ASAP1: variants seen among roughly 807,000 people sequenced by gnomAD.
ASAP1 encodes the protein arf-GAP with SH3 domain, ANK repeat and PH domain-containing protein 1.
In ASAP1, 43 loss-of-function variants were observed where a neutral mutation model predicts 145.2. The ratio of observed to expected loss-of-function variants is 0.30; its 90% CI spans 0.23 to 0.38. The LOEUF is 0.38. Among genes scored for constraint, ASAP1 ranks in the 10% least tolerant of loss-of-function variants. The pLI, the probability that ASAP1 is intolerant of heterozygous loss-of-function variation, is 1.00. For synonymous variants in ASAP1, 546 were observed against 515.5 expected (o/e 1.06, Z -0.80); for missense variants, 1,018 against 1,355.3 (o/e 0.75, Z 3.91).
chr8:130,186,521 A>G (rs1471535363), intron 7 of ASAP1, among the ~76,000 whole-genome samples: 1 of 152,068 alleles, frequency 6.6e-6, no homozygotes, highest in Admixed American at 6.6e-5. Context: ...TAATAATAAT[A>G]AAGGAATGTG....
chr8:130,106,548 CA>C (rs1183383764), intron 24 of ASAP1, among the ~76,000 whole-genome samples: 1 of 152,240 alleles, frequency 6.6e-6, no homozygotes, highest in Non-Finnish European at 1.5e-5. Flanking sequence ...AGATTTTCAG[CA>C]AGTCAACTAT....
intron 4 of ASAP1, among the ~76,000 whole-genome samples, chr8:130,226,415 C>T (rs1817590362): frequency 6.6e-6 from 1 of 152,208 alleles, no homozygotes; most frequent in South Asian, 2.1e-4. Flanking sequence ...AGTTTCCTTA[C>T]ATTTTCCCAC....
At chr8:130,067,706 G>A (rs1380758612) in intron 27 of ASAP1, among the ~76,000 whole-genome samples, 1 of 152,108 alleles carries the variant, frequency 6.6e-6, no homozygotes, top group South Asian at 2.1e-4. Context: ...CAGCCCCACT[G>A]CTTTAATCCC....
At chr8:130,382,114 G>A (rs1259212859) in intron 2 of ASAP1, among the ~76,000 whole-genome samples, 3 of 151,804 alleles carry the variant, frequency 2.0e-5, no homozygotes, top group Non-Finnish European at 4.4e-5. Context: ...GTGAAACCCC[G>A]TCTCTACTAA....
chr8:130,219,008 C>T (rs933400018), intron 4 of ASAP1, among the ~76,000 whole-genome samples: 16 of 151,690 alleles, frequency 1.1e-4, no homozygotes, highest in African/African-American at 3.9e-4. Flanking sequence ...GTAATAATAA[C>T]AATAATAATC....
chr8:130,223,890 A>G (rs16904221), intron 4 of ASAP1, among the ~76,000 whole-genome samples: 3,083 of 152,156 alleles, frequency 0.02, 102 homozygotes, highest in African/African-American at 0.069. Context: ...ACGAAGAAAA[A>G]TCTTCCAGAG....
intron 26 of ASAP1, 146 bp downstream of exon 26, chr8:130,079,756 A>G (rs1000776899): frequency 2.7e-6 from 2 of 752,730 alleles, no homozygotes; most frequent in Non-Finnish European, 4.6e-6. Flanking sequence ...ACCAAGAGTG[A>G]ACGTCTGGTT....
chr8:130,099,335 C>T (rs980008253), intron 24 of ASAP1, among the ~76,000 whole-genome samples: 2 of 151,924 alleles, frequency 1.3e-5, no homozygotes, highest in Non-Finnish European at 2.9e-5. Flanking sequence ...CCTGCCACCA[C>T]GCCTGGCTAA....
chr8:130,411,037 T>C (rs972945986), intron 1 of ASAP1, among the ~76,000 whole-genome samples: 6 of 152,164 alleles, frequency 3.9e-5, no homozygotes, highest in Non-Finnish European at 7.4e-5. Context: ...ATTTTCGTAT[T>C]TTGAGTAGAG....
At chr8:130,347,155 C>T (rs62517682) in intron 3 of ASAP1, among the ~76,000 whole-genome samples, 3 of 152,222 alleles carry the variant, frequency 2.0e-5, no homozygotes, top group Non-Finnish European at 4.4e-5. Flanking sequence ...TGGATATCTA[C>T]GGAAAGATTA....
chr8:130,373,554 A>G (rs1827329465), intron 2 of ASAP1, among the ~76,000 whole-genome samples: 1 of 152,224 alleles, frequency 6.6e-6, no homozygotes, highest in African/African-American at 2.4e-5. Flanking sequence ...GTGATATTCA[A>G]AATAATAAAC....
intron 1 of ASAP1, among the ~76,000 whole-genome samples, chr8:130,438,161 T>C (rs532475220): frequency 6.6e-6 from 1 of 152,268 alleles, no homozygotes; most frequent in South Asian, 2.1e-4. Flanking sequence ...CGTCTGTTTC[T>C]GGGGAGGATC....
chr8:130,093,686 A>AAAAAAAAAAG (rs767063471), intron 24 of ASAP1, among the ~76,000 whole-genome samples: 41 of 131,970 alleles, frequency 3.1e-4, no homozygotes, highest in South Asian at 4.5e-4. Flanking sequence ...AAAAAAAAAA[A>AAAAAAAAAAG]AAAGAAAGCT....
intron 3 of ASAP1, among the ~76,000 whole-genome samples, chr8:130,244,442 A>G (rs1818725832): frequency 6.6e-6 from 1 of 152,190 alleles, no homozygotes; most frequent in African/African-American, 2.4e-5. Context: ...CGTGGGTACA[A>G]TAAACCCTTC....
chr8:130,216,399 C>T (rs1216593110), intron 4 of ASAP1, among the ~76,000 whole-genome samples: 2 of 152,210 alleles, frequency 1.3e-5, no homozygotes. Flanking sequence ...ATCTAACTTA[C>T]AGAATTGTGG....
At chr8:130,181,442 C>T (rs1005083567) in intron 7 of ASAP1, among the ~76,000 whole-genome samples, 4 of 152,106 alleles carry the variant, frequency 2.6e-5, no homozygotes, top group African/African-American at 4.8e-5. Flanking sequence ...CCTTGAATAT[C>T]GACAGCTTGC....
At position 130,112,098 on chromosome 8, in the gene ASAP1, C is replaced by T. The variant is rs116410358; in HGVS notation, c.2397G>A (p.Gly799=). 1.1e-4 allele frequency: 183 copies of T among 1,613,544 alleles called. No homozygotes were observed. The African/African-American group carries it at 2.3e-3, about 20-fold the overall frequency. ...AGCCCTTCTCAAAGCCCATACCTTT[C>T]CCGGCGTTCCTAGGAGGCAGAGGGG... ...EAPPLPPRNA[G]KGPTGPPSTL... The change falls in exon 24 of 30, where the codon GGG becomes GGA. Residue 799 remains glycine, a synonymous_variant. Transcript: ENST00000518721.
At chr8:130,335,697 G>A (rs895608045) in intron 3 of ASAP1, among the ~76,000 whole-genome samples, 1 of 152,180 alleles carries the variant, frequency 6.6e-6, no homozygotes, top group Non-Finnish European at 1.5e-5. Context: ...GCCCTGCTGA[G>A]GCTGTGTCTC....
rs192845020 is a variant in ASAP1, at chr8:130,213,067, T to G, written c.405+1489A>C. 1.8e-3 allele frequency among the ~76,000 whole-genome samples: 281 copies of G among 152,336 alleles called. 3 individuals carry two copies. Among genetic ancestry groups the G allele is most frequent in the Admixed American group, 4.0e-3 (61 of 15,304 alleles). On this transcript the variant is annotated intron_variant, in intron 5 of 29. Transcript: ENST00000518721. ...CTTTGAGCAAGGCCTCCAGTGAAAGTGCAGGCAATGCTCAGAGTGAAGGAA... is the reference window on the plus strand; with the variant it reads ...CTTTGAGCAAGGCCTCCAGTGAAAGGGCAGGCAATGCTCAGAGTGAAGGAA...
Sources: allele counts gnomAD v4.1 joint callset (sites outside exome capture counted in the v4.1 genomes callset), GRCh38; gene constraint gnomAD v4.1.1; transcripts MANE v1.5; gene names NCBI Gene and HGNC (gene_info 2026-07-23, HGNC 2026-07-21).